The following EVI5L variants were observed in gnomAD, a reference collection of about 807,000 sequenced individuals.
EVI5L encodes the protein EVI5-like protein.
EVI5L carries 30 observed loss-of-function variants against 106.1 expected under a neutral mutation model. The ratio of observed to expected loss-of-function variants is 0.28; its 90% CI spans 0.21 to 0.38. The LOEUF (loss-of-function observed/expected upper bound fraction) is 0.38. EVI5L is among the 10% of genes least tolerant of loss of function. The pLI is 1.00. For missense variants in EVI5L, 809 were observed against 1,098.0 expected (o/e 0.74, Z 3.72); for synonymous variants, 489 against 483.3 (o/e 1.01, Z -0.15).
chr19:7,846,533 C>G lies in EVI5L; in HGVS notation c.-10C>G. The stretch of plus-strand genomic sequence containing the variant: ...ACCAACCCCGCTCACGGCTAACAAG[C>G]CCACCCACCATGGCGAGCCCCACTC... On this transcript the variant is annotated 5_prime_UTR_variant, in exon 2 of 20. Transcript: ENST00000538904. 6.2e-7 allele frequency: 1 copy of G among 1,604,152 alleles called. No individual in the cohort carries two copies. The highest frequency in any genetic ancestry group is 8.5e-7 in the Non-Finnish European group (1 of 1,176,242).
chr19:7,863,483 C>G lies in EVI5L; in HGVS notation c.2199C>G (p.Ser733Arg), dbSNP rs756803896. Residue 733 changes from serine (S) to arginine (R), a missense_variant, in exon 20 of 20, where the codon AGC becomes AGG. Around this residue, in one of 2 missense-constraint regions of EVI5L, gnomAD observed 452 missense variants for 509.9 expected, o/e 0.89. Transcript: ENST00000538904. This position sits in a 1 kb window ranked among gnomAD's most constrained non-coding sequence, Gnocchi z 7.7. Reference protein sequence around the residue: ...FEDPLAFDGLSLARHLDEDSL... With the variant: ...FEDPLAFDGLRLARHLDEDSL... The stretch of plus-strand genomic sequence containing the variant: ...ACCCGCTGGCTTTCGATGGGCTGAG[C>G]CTGGCGCGGCACTTGGACGAGGACT... 6.3e-7 allele frequency: 1 copy of G among 1,574,898 alleles called. No homozygotes were observed. The highest frequency in any genetic ancestry group is 8.6e-7 in the Non-Finnish European group (1 of 1,161,536).
Position 7,858,460 on chromosome 19 carries a change from T to A in EVI5L, c.1374+129T>A. The A allele has an allele frequency of 1.6e-6, 2 of 1,225,444 alleles. No individual in the cohort carries two copies. Among genetic ancestry groups the A allele is most frequent in the Non-Finnish European group, 2.2e-6 (2 of 912,906 alleles). The allele number at this position is 1,225,444 out of a possible 1,614,324, so 75.9% of individuals were successfully genotyped here. A position where few individuals can be genotyped will look rare whatever the true frequency, so the allele number is the denominator to read the frequency against. The stretch of plus-strand genomic sequence containing the variant: ...CTGGCCCTCCTGTTCCTTTCTGGGG[T>A]AAGGGGAACCCAGAGACAAGCGCAG... On this transcript the variant is annotated intron_variant, in intron 13 of 19. Coordinates refer to ENST00000538904, the MANE Select transcript of EVI5L (RefSeq NM_001159944.3). The surrounding 1 kb of genome is among the most constrained non-coding windows in gnomAD (Gnocchi z 5.7).
At chr19:7,846,116 C>A (rs1978936792) in intron 1 of EVI5L, among the ~76,000 whole-genome samples, 1 of 152,190 alleles carries the variant, frequency 6.6e-6, no homozygotes, top group Non-Finnish European at 1.5e-5. Context: ...CTCCTGCACC[C>A]CGAGGTCCCA....
rs1334377115 is a variant in EVI5L, at chr19:7,850,618, C to A, written c.753+496C>A. On this transcript the variant is annotated intron_variant, in intron 6 of 19. Coordinates refer to ENST00000538904, the MANE Select transcript of EVI5L (RefSeq NM_001159944.3). The surrounding 1 kb of genome is among the most constrained non-coding windows in gnomAD (Gnocchi z 5.4). ...GCATGCATACACACACACGCAGACA[C>A]ACACACACACACCGGCCCGCCTCAG... Among the ~76,000 whole-genome samples the A allele has an allele frequency of 1.3e-5, 2 of 152,304 alleles. No individual in the cohort carries two copies. Among genetic ancestry groups the A allele is most frequent in the African/African-American group, 4.8e-5 (2 of 41,574 alleles).
At position 7,846,592 on chromosome 19, in the gene EVI5L, C is replaced by T. The variant is rs780313332; in HGVS notation, c.50C>T (p.Ser17Leu). The change falls in exon 2 of 20, where the codon TCG (serine) becomes TTG (leucine). Residue 17 changes from serine (S) to leucine (L), a missense_variant. Around this residue, in one of 2 missense-constraint regions of EVI5L, gnomAD observed 357 missense variants for 588.1 expected, o/e 0.61. Coordinates refer to ENST00000538904, the MANE Select transcript of EVI5L (RefSeq NM_001159944.3). ...GACTCCTCATCCCAGGAGGCCCTGT[C>T]GGCCCCCACCTGCTCCCCAACCTCT... ...SPDSSSQEAL[S>L]APTCSPTSDS... 5 of 1,613,774 alleles carry T rather than the reference C, an allele frequency of 3.1e-6. No homozygotes were observed. Among genetic ancestry groups the T allele is most frequent in the Non-Finnish European group, 2.5e-6 (3 of 1,179,936 alleles).
intron 1 of EVI5L, among the ~76,000 whole-genome samples, chr19:7,833,109 G>A (rs1044424098): frequency 3.9e-5 from 6 of 152,176 alleles, no homozygotes; most frequent in African/African-American, 9.7e-5. Flanking sequence ...TGATACGAAC[G>A]CAGTTTTACC....
At position 7,830,355 on chromosome 19, in the gene EVI5L, A is replaced by G. The variant is rs1978289805; in HGVS notation, c.-74A>G. 1 of 151,108 alleles carries G rather than the reference A, an allele frequency of 6.6e-6. No homozygotes were observed. The highest frequency in any genetic ancestry group is 1.5e-5 in the Non-Finnish European group (1 of 67,382). 9.4% of individuals were successfully genotyped at this position (151,108 alleles called of 1,614,324 possible). On this transcript the variant is annotated 5_prime_UTR_variant, in exon 1 of 20. Coordinates refer to ENST00000538904, the MANE Select transcript of EVI5L (RefSeq NM_001159944.3). ...TCAGCCCGGGGCGGCGAGGCTCGGC[A>G]CGGAGATGGCGGCGCGCTCGGCGCA...
In EVI5L at chr19:7,848,039, T is replaced by C; in HGVS notation, c.327+118T>C. 1 of 1,121,444 alleles carries C rather than the reference T, an allele frequency of 8.9e-7. No individual in the cohort carries two copies. Among genetic ancestry groups the C allele is most frequent in the Non-Finnish European group, 1.2e-6 (1 of 807,710 alleles). The allele number at this position is 1,121,444 out of a possible 1,614,324, so 69.5% of individuals were successfully genotyped here. On this transcript the variant is annotated intron_variant, in intron 3 of 19. Coordinates refer to ENST00000538904, the MANE Select transcript of EVI5L (RefSeq NM_001159944.3). The surrounding 1 kb of genome is among the most constrained non-coding windows in gnomAD (Gnocchi z 4.8). ...CCCAGCCTGGGCACAGCGGCAGCAG[T>C]GGAGATGTGCAGGCACTTTCAGGGT... is the stretch of plus-strand genomic sequence containing the variant.
At chr19:7,852,920 C>A in intron 8 of EVI5L, 166 bp from the exon 9 acceptor site, 1 of 661,578 alleles carries the variant, frequency 1.5e-6, no homozygotes, top group Middle Eastern at 4.2e-4. Context: ...TCCCCTCACG[C>A]TCAGTCTTTC....
chr19:7,842,657 G>A (rs1420569510), intron 1 of EVI5L, among the ~76,000 whole-genome samples: 1 of 151,898 alleles, frequency 6.6e-6, no homozygotes, highest in Admixed American at 6.6e-5. Flanking sequence ...GGGTGTTTAT[G>A]TATCAAGTGT....
In EVI5L at chr19:7,863,716, G is replaced by T. The variant is rs1448546896; in HGVS notation, c.*14G>T. The T allele has an allele frequency of 1.1e-5, 16 of 1,447,802 alleles. No homozygotes were observed. The highest frequency in any genetic ancestry group is 1.3e-5 in the Non-Finnish European group (14 of 1,104,882). 89.7% of individuals were successfully genotyped at this position (1,447,802 alleles called of 1,614,324 possible). ...CTGGACAACTGAGGCCATGCCCAGC[G>T]CGCCCGGAGTCAGGAGGCCGCAGCC... On this transcript the variant is annotated 3_prime_UTR_variant, in exon 20 of 20. Coordinates refer to ENST00000538904, the MANE Select transcript of EVI5L (RefSeq NM_001159944.3). This position sits in a 1 kb window ranked among gnomAD's most constrained non-coding sequence, Gnocchi z 7.7.
At chr19:7,844,342 A>AG (rs1978854609) in intron 1 of EVI5L, among the ~76,000 whole-genome samples, 2 of 151,028 alleles carry the variant, frequency 1.3e-5, no homozygotes, top group Non-Finnish European at 3.0e-5. Flanking sequence ...AAAAAAAAAA[A>AG]AAAAAAAAGA....
intron 1 of EVI5L, among the ~76,000 whole-genome samples, chr19:7,842,832 G>A (rs1452403433): frequency 1.3e-5 from 2 of 151,016 alleles, no homozygotes; most frequent in South Asian, 4.2e-4. Flanking sequence ...TGTGTGTGAA[G>A]GTATATAGGT....
rs146994041 is a variant in EVI5L, at chr19:7,854,004, G to A, written c.1146+671G>A. On this transcript the variant is annotated intron_variant, in intron 10 of 19. Coordinates refer to ENST00000538904, the MANE Select transcript of EVI5L (RefSeq NM_001159944.3). ...ATTTACTCAACAAGCATTTATTGCC[G>A]GGCGCGATGGCTCATGCATGTAATC... Among the ~76,000 whole-genome samples, 973 of 152,210 alleles carry A rather than the reference G, an allele frequency of 6.4e-3. 10 individuals carry two copies. The highest frequency in any genetic ancestry group is 0.023 in the African/African-American group (938 of 41,524).
chr19:7,859,950 C>A (rs753613293), intron 13 of EVI5L, among the ~76,000 whole-genome samples: 15 of 152,344 alleles, frequency 9.8e-5, no homozygotes, highest in Middle Eastern at 6.8e-3. Flanking sequence ...TCCTGCCAGG[C>A]CACAAGGTCA....
At position 7,830,251 on chromosome 19, in the gene EVI5L, G is replaced by T. The variant is rs1287939546; in HGVS notation, c.-178G>T. ...GTGAAATGGCAGCGGCGGAGCCGGCGGCGGCCGCGGTCCCGGGGGGCGGCT... is the reference window on the plus strand; with the variant it reads ...GTGAAATGGCAGCGGCGGAGCCGGCTGCGGCCGCGGTCCCGGGGGGCGGCT... On this transcript the variant is annotated 5_prime_UTR_variant, in exon 1 of 20. Coordinates refer to ENST00000538904, the MANE Select transcript of EVI5L (RefSeq NM_001159944.3). 6.6e-6 allele frequency: 1 copy of T among 152,034 alleles called. No individual in the cohort carries two copies. The highest frequency in any genetic ancestry group is 1.5e-5 in the Non-Finnish European group (1 of 67,762). 9.4% of individuals were successfully genotyped at this position (152,034 alleles called of 1,614,324 possible).
Position 7,858,201 on chromosome 19 carries a change from C to G in EVI5L, c.1244C>G (p.Thr415Arg). Residue 415 changes from threonine (T) to arginine (R), a missense_variant, in exon 13 of 20, where the codon ACA becomes AGA. Coordinates refer to ENST00000538904, the MANE Select transcript of EVI5L (RefSeq NM_001159944.3). The surrounding 1 kb of genome is among the most constrained non-coding windows in gnomAD (Gnocchi z 5.7). Reference sequence around the variant, plus strand: ...CCTCGCTGTTCTCAGGGGCAAGTGACACGGGCGCAGGAGGCGGAGGAGAAC... The same window carrying G: ...CCTCGCTGTTCTCAGGGGCAAGTGAGACGGGCGCAGGAGGCGGAGGAGAAC... ...LADRLIQGQVTRAQEAEENYV... is the reference protein window; with the variant it reads ...LADRLIQGQVRRAQEAEENYV... 1 of 1,563,576 alleles carries G rather than the reference C, an allele frequency of 6.4e-7. No individual in the cohort carries two copies. Among genetic ancestry groups the G allele is most frequent in the South Asian group, 1.2e-5 (1 of 84,958 alleles).
Position 7,863,321 on chromosome 19 carries a change from G to T in EVI5L, c.2139+41G>T. On this transcript the variant is annotated intron_variant, in intron 19 of 19. Coordinates refer to ENST00000538904, the MANE Select transcript of EVI5L (RefSeq NM_001159944.3). This position sits in a 1 kb window ranked among gnomAD's most constrained non-coding sequence, Gnocchi z 7.7. Reference sequence around the variant, plus strand: ...GATGCCGGGGACAGGCCTGGGTGTCGTCGGCCTGGGACGAGCCGAGCGCAG... The same window carrying T: ...GATGCCGGGGACAGGCCTGGGTGTCTTCGGCCTGGGACGAGCCGAGCGCAG... The T allele has an allele frequency of 4.5e-6, 7 of 1,548,324 alleles. No individual in the cohort carries two copies. Among genetic ancestry groups the T allele is most frequent in the Non-Finnish European group, 5.2e-6 (6 of 1,146,054 alleles).
chr19:7,860,725 G>A (rs772292732), intron 14 of EVI5L, 36 bp downstream of exon 14: 2 of 1,541,230 alleles, frequency 1.3e-6, no homozygotes, highest in South Asian at 1.2e-5. Context: ...GTGTCGGGGG[G>A]ACCCTGGGGC....
Sources: gnomAD v4.1 joint callset for allele counts (sites outside exome capture counted in the v4.1 genomes callset) on GRCh38, gnomAD v4.1.1 for gene constraint, gnomAD v4.1.1 regional missense constraint, Gnocchi (gnomAD v3.1) non-coding constraint, MANE v1.5 for transcripts, NCBI Gene and HGNC (gene_info 2026-07-23, HGNC 2026-07-21) for gene names.